The following PCNX1 variants were observed in gnomAD, a reference collection of about 807,000 sequenced individuals.
PCNX1 encodes the protein pecanex-like protein 1.
In PCNX1, 78 loss-of-function variants were observed where a neutral mutation model predicts 242.2. The observed-to-expected ratio is 0.32, with a 90% CI of 0.27 to 0.39. The LOEUF (loss-of-function observed/expected upper bound fraction) is 0.39, where lower values mean the gene tolerates loss of function less well. Ranked by LOEUF, PCNX1 falls within the 10% of genes least tolerant of loss-of-function variation. The pLI is 1.00. For synonymous variants in PCNX1, 1,024 were observed against 1,032.9 expected (o/e 0.99, Z 0.17); for missense variants, 2,581 against 2,856.5 (o/e 0.90, Z 2.20).
At chr14:71,039,444 C>G (rs1177801296) in intron 19 of PCNX1, among the ~76,000 whole-genome samples, 1 of 152,190 alleles carries the variant, frequency 6.6e-6, no homozygotes, top group East Asian at 1.9e-4. Flanking sequence ...GGCTGCCTAA[C>G]TGTACTCACA....
chr14:70,957,834 GTATA>G (rs537672358), intron 2 of PCNX1, among the ~76,000 whole-genome samples: 167 of 139,702 alleles, frequency 1.2e-3, no homozygotes, highest in African/African-American at 3.9e-3. Context: ...GTATGTGTGT[GTATA>G]TATATAGAGA....
intron 28 of PCNX1, among the ~76,000 whole-genome samples, chr14:71,079,724 GT>G (rs1014456450): frequency 6.6e-6 from 1 of 150,806 alleles, no homozygotes; most frequent in African/African-American, 2.4e-5. Context: ...TTTGGATCGG[GT>G]TTTTTTTTCT....
At chr14:71,031,856 A>C in intron 16 of PCNX1, 3 of 1,466,398 alleles carry the variant, frequency 2.0e-6, no homozygotes, top group Non-Finnish European at 2.9e-6. Context: ...AGGTAGACAC[A>C]CTGTTTCAGC....
At chr14:70,968,371 T>G in intron 4 of PCNX1, 128 bp downstream of exon 4, 1 of 567,828 alleles carries the variant, frequency 1.8e-6, no homozygotes, top group East Asian at 3.2e-5. Flanking sequence ...ATAGATAAAA[T>G]TATTTATCTT....
intron 2 of PCNX1, among the ~76,000 whole-genome samples, chr14:70,950,118 A>G (rs896602098): frequency 5.3e-5 from 8 of 152,032 alleles, no homozygotes; most frequent in Non-Finnish European, 1.2e-4. Flanking sequence ...TTTTTTCCTT[A>G]TTCTTAACAT....
At chr14:70,923,451 A>C (rs1030849511) in intron 1 of PCNX1, among the ~76,000 whole-genome samples, 1 of 152,196 alleles carries the variant, frequency 6.6e-6, no homozygotes, top group Non-Finnish European at 1.5e-5. Context: ...TATGGCAATA[A>C]ATTTGCATGA....
At chr14:70,989,644 C>T (rs967397864) in intron 7 of PCNX1, among the ~76,000 whole-genome samples, 10 of 150,388 alleles carry the variant, frequency 6.6e-5, no homozygotes, top group Non-Finnish European at 1.0e-4. Context: ...ATTCTCCTGG[C>T]TCAGCCTCCC....
chr14:70,954,565 A>G (rs865933389), intron 2 of PCNX1, among the ~76,000 whole-genome samples: 1 of 151,964 alleles, frequency 6.6e-6, no homozygotes, highest in African/African-American at 2.4e-5. Flanking sequence ...ATAGTTTTTC[A>G]TTTTCTCCAT....
intron 5 of PCNX1, among the ~76,000 whole-genome samples, chr14:70,976,024 G>T (rs1055989629): frequency 6.6e-6 from 1 of 151,902 alleles, no homozygotes; most frequent in African/African-American, 2.4e-5. Flanking sequence ...TCTTGTTTAG[G>T]CATTGGTCAG....
chr14:70,979,781 G>A (rs533221995), intron 6 of PCNX1, among the ~76,000 whole-genome samples: 1 of 151,946 alleles, frequency 6.6e-6, no homozygotes, highest in African/African-American at 2.4e-5. Context: ...TTTTTTGGGG[G>A]TCAAGTTTCT....
chr14:71,108,527 G>C, intron 33 of PCNX1, 77 bp from the exon 34 acceptor site: 2 of 1,183,644 alleles, frequency 1.7e-6, no homozygotes, highest in Non-Finnish European at 2.4e-6. Flanking sequence ...AGGGGAAAAA[G>C]TCTTAGAAAC....
rs56362741 is a variant in PCNX1, at chr14:70,958,898, CTTTT to C, written c.363-3305_363-3302del. Among the ~76,000 whole-genome samples, 103 of 66,396 alleles carry C rather than the reference CTTTT, an allele frequency of 1.6e-3. No individual in the cohort carries two copies. In the Middle Eastern group the frequency reaches 0.056, roughly 36 times the overall value. The allele number at this position is 66,396 out of a possible 152,430, so 43.6% of individuals were successfully genotyped here. A position where few individuals can be genotyped will look rare whatever the true frequency, so the allele number is the denominator to read the frequency against. On this transcript the variant is annotated intron_variant, in intron 2 of 35. Coordinates refer to ENST00000304743, the MANE Select transcript of PCNX1 (RefSeq NM_014982.3). Reference sequence around the variant, plus strand: ...GGTTCACCTGAAGAATTTGGGGTTGCTTTTTTTTTTTTTTTTTTTTTTTTTTACA... The same window carrying C: ...GGTTCACCTGAAGAATTTGGGGTTGCTTTTTTTTTTTTTTTTTTTTTTACA...
chr14:70,958,807 G>A (rs1251440752), intron 2 of PCNX1, among the ~76,000 whole-genome samples: 2 of 148,448 alleles, frequency 1.3e-5, no homozygotes, highest in Non-Finnish European at 3.0e-5. Flanking sequence ...GGACAGTAGA[G>A]CCCACCCCTA....
At chr14:70,924,838 A>C (rs1016105939) in intron 1 of PCNX1, among the ~76,000 whole-genome samples, 1 of 151,806 alleles carries the variant, frequency 6.6e-6, no homozygotes, top group Admixed American at 6.6e-5. Flanking sequence ...ATCCACCCAC[A>C]TCAGCCTCCC....
At chr14:70,970,140 G>A (rs542594004) in intron 5 of PCNX1, 3 of 152,080 alleles carry the variant, frequency 2.0e-5, no homozygotes, top group African/African-American at 4.8e-5. Context: ...CAGGAGGATC[G>A]CTTGAGTCCA....
intron 2 of PCNX1, among the ~76,000 whole-genome samples, chr14:70,954,731 A>G (rs1371227711): frequency 6.6e-6 from 1 of 152,092 alleles, no homozygotes; most frequent in Non-Finnish European, 1.5e-5. Context: ...CTTACTTTCT[A>G]GTCCTTATAC....
chr14:71,060,950 A>G (rs955486297), intron 26 of PCNX1, among the ~76,000 whole-genome samples: 13 of 152,214 alleles, frequency 8.5e-5, no homozygotes, highest in African/African-American at 3.1e-4. Flanking sequence ...TTTATTGCAT[A>G]ATGTGAAAGC....
At chr14:71,035,474 G>A (rs942145575) in intron 18 of PCNX1, among the ~76,000 whole-genome samples, 1 of 152,220 alleles carries the variant, frequency 6.6e-6, no homozygotes. Context: ...ATCTAGAAGT[G>A]TGGCCAGGTG....
chr14:71,037,821 C>G (rs1353629359), intron 19 of PCNX1, among the ~76,000 whole-genome samples: 3 of 149,818 alleles, frequency 2.0e-5, no homozygotes, highest in South Asian at 4.3e-4. Context: ...TGACTTCAAA[C>G]TATACTACAA....
Sources: allele counts gnomAD v4.1 joint callset (sites outside exome capture counted in the v4.1 genomes callset), GRCh38; gene constraint gnomAD v4.1.1; transcripts MANE v1.5; gene names NCBI Gene and HGNC (gene_info 2026-07-23, HGNC 2026-07-21).